CUX2: variants seen among roughly 807,000 people sequenced by gnomAD.
CUX2 encodes homeobox protein cut-like 2.
Under a neutral mutation model 144.8 loss-of-function variants are expected in CUX2, and 40 were observed. That is an observed-to-expected ratio of 0.28 (90% confidence interval 0.21 to 0.36). CUX2 has a LOEUF of 0.36. Among genes scored for constraint, CUX2 ranks in the 10% least tolerant of loss-of-function variants. The pLI is 1.00. For missense variants in CUX2, 1,615 were observed against 1,994.0 expected, an observed-to-expected ratio of 0.81 and a Z score of 3.62; for synonymous variants, 827 against 875.6, an observed-to-expected ratio of 0.94 and a Z score of 0.98.
chr12:111,247,275 C>G (rs1034953558), intron 3 of CUX2, among the ~76,000 whole-genome samples: 60 of 152,198 alleles, frequency 3.9e-4, no homozygotes, highest in African/African-American at 1.4e-3. Context: ...GGCATGCATG[C>G]CCGGCTGAGG....
intron 3 of CUX2, among the ~76,000 whole-genome samples, chr12:111,256,950 G>C (rs1024270610): frequency 2.0e-5 from 3 of 152,126 alleles, no homozygotes; most frequent in African/African-American, 7.2e-5. Flanking sequence ...CTCAGCCTAG[G>C]GGAGGGGGCC....
chr12:111,035,945 G>A lies in CUX2; in HGVS notation c.63+1705G>A, dbSNP rs1482928772. Among the ~76,000 whole-genome samples the A allele has an allele frequency of 2.6e-5, 4 of 152,310 alleles. No individual in the cohort carries two copies. Among genetic ancestry groups the A allele is most frequent in the Middle Eastern group, 3.4e-3 (1 of 294 alleles). ...AAGTGGCCTTTCTGGAAGAGTGGGG[G>A]TTATGGAGGCAGAGAGAGAGAGAGA... is the stretch of plus-strand genomic sequence containing the variant. On this transcript the variant is annotated intron_variant, in intron 1 of 21. Transcript: ENST00000261726. The surrounding 1 kb of genome is among the most constrained non-coding windows in gnomAD (Gnocchi z 6.0).
At chr12:111,298,210 C>T (rs11832660) in intron 8 of CUX2, among the ~76,000 whole-genome samples, 7,278 of 152,254 alleles carry the variant, frequency 0.048, 246 homozygotes, top group East Asian at 0.11. Flanking sequence ...GCGGCCTCCC[C>T]GGAGAACACT....
chr12:111,050,700 A>G (rs922154282), intron 1 of CUX2, among the ~76,000 whole-genome samples: 2 of 152,022 alleles, frequency 1.3e-5, no homozygotes, highest in Non-Finnish European at 2.9e-5. Flanking sequence ...CACCATCGTC[A>G]CTTGGACCCA....
intron 1 of CUX2, among the ~76,000 whole-genome samples, chr12:111,127,808 C>A (rs530179809): frequency 6.6e-5 from 10 of 152,076 alleles, no homozygotes; most frequent in South Asian, 2.1e-4. Flanking sequence ...TGGCAGAAGG[C>A]GAAGGGGGAG....
rs1049980564 is a variant in CUX2, at chr12:111,222,344, G to A, written c.222+4407G>A. Among the ~76,000 whole-genome samples, 7 of 152,332 alleles carry A rather than the reference G, an allele frequency of 4.6e-5. No individual in the cohort carries two copies. In the East Asian group the frequency reaches 5.8e-4, roughly 13 times the overall value. ...ATTAAAAGTTTTGTTATGCTAACTC[G>A]GAGGTGAAACTTTTCTGAAGCGCGT... On this transcript the variant is annotated intron_variant, in intron 3 of 21. Coordinates refer to ENST00000261726, the MANE Select transcript of CUX2 (RefSeq NM_015267.4).
chr12:111,106,276 C>T (rs1161323158), intron 1 of CUX2, among the ~76,000 whole-genome samples: 2 of 151,190 alleles, frequency 1.3e-5, no homozygotes, highest in African/African-American at 2.4e-5. Context: ...ACAGGCATGA[C>T]CACAGTTGGA....
chr12:111,322,321 C>CAAAAA lies in CUX2; in HGVS notation c.2767-81_2767-77dup, dbSNP rs147389725. ...CGACAGACAAAGCGAGACTCTGCCT[C>CAAAAA]AAAAAAAAAAAAAAAAAAAAAAAGG... is the stretch of plus-strand genomic sequence containing the variant. On this transcript the variant is annotated intron_variant, in intron 17 of 21. Transcript: ENST00000261726. This position sits in a 1 kb window ranked among gnomAD's most constrained non-coding sequence, Gnocchi z 4.2. The CAAAAA allele has an allele frequency of 2.0e-3, 1,544 of 760,594 alleles. 1 individual carries two copies. Among genetic ancestry groups the CAAAAA allele is most frequent in the African/African-American group, 2.7e-3 (110 of 40,274 alleles). The allele number at this position is 760,594 out of a possible 1,614,324, so 47.1% of individuals were successfully genotyped here.
At chr12:111,211,448 A>T (rs571690014) in intron 1 of CUX2, among the ~76,000 whole-genome samples, 1 of 152,220 alleles carries the variant, frequency 6.6e-6, no homozygotes, top group Non-Finnish European at 1.5e-5. Flanking sequence ...GTGAGGACAC[A>T]TCAGGTGGTT....
rs1883275607 is a variant in CUX2 at position 111,246,246 on chromosome 12, G to T, written c.223-17515G>T. On this transcript the variant is annotated intron_variant, in intron 3 of 21. Transcript: ENST00000261726. The surrounding 1 kb of genome is among the most constrained non-coding windows in gnomAD (Gnocchi z 4.0). ...CCACCATCAGTGACACTGATTGCAT[G>T]AAATCTGCCATGGTGGGAGTATTTA... Among the ~76,000 whole-genome samples, 1 of 152,192 alleles carries T rather than the reference G, an allele frequency of 6.6e-6. No homozygotes were observed. Among genetic ancestry groups the T allele is most frequent in the Non-Finnish European group, 1.5e-5 (1 of 68,026 alleles).
chr12:111,051,668 GT>G (rs1870274940), intron 1 of CUX2, among the ~76,000 whole-genome samples: 1 of 152,028 alleles, frequency 6.6e-6, no homozygotes, highest in African/African-American at 2.4e-5. Context: ...GTTGGATCAT[GT>G]TTTTTATTCA....
intron 21 of CUX2, among the ~76,000 whole-genome samples, chr12:111,345,089 A>G (rs1888733961): frequency 6.6e-6 from 1 of 152,016 alleles, no homozygotes. Flanking sequence ...ATTTTTTAAA[A>G]AATGTTTTTT....
intron 1 of CUX2, among the ~76,000 whole-genome samples, chr12:111,201,417 A>G (rs1374841326): frequency 2.0e-5 from 3 of 152,094 alleles, no homozygotes; most frequent in Non-Finnish European, 2.9e-5. Context: ...TGTAAGATAC[A>G]TCCAGATGGT....
At chr12:111,145,388 G>T (rs192493604) in intron 1 of CUX2, among the ~76,000 whole-genome samples, 1 of 152,160 alleles carries the variant, frequency 6.6e-6, no homozygotes, top group African/African-American at 2.4e-5. Context: ...TTGAAACAGG[G>T]TCTCACTCTG....
chr12:111,332,605 G>A (rs759352102), intron 18 of CUX2, among the ~76,000 whole-genome samples: 6 of 149,444 alleles, frequency 4.0e-5, no homozygotes, highest in Admixed American at 2.0e-4. Flanking sequence ...AGTTGTTGCC[G>A]TTTATTTAAC....
chr12:111,049,011 G>T (rs1240750287), intron 1 of CUX2, among the ~76,000 whole-genome samples: 1 of 151,926 alleles, frequency 6.6e-6, no homozygotes, highest in Non-Finnish European at 1.5e-5. Flanking sequence ...TCATAAATCT[G>T]CTCTCTCATC....
chr12:111,115,552 T>C (rs1874247095), intron 1 of CUX2, among the ~76,000 whole-genome samples: 1 of 152,130 alleles, frequency 6.6e-6, no homozygotes. Flanking sequence ...TCCAAAATGC[T>C]GGATAAAATT....
chr12:111,137,778 G>A (rs1308335447), intron 1 of CUX2, among the ~76,000 whole-genome samples: 5 of 152,230 alleles, frequency 3.3e-5, no homozygotes, highest in Non-Finnish European at 7.3e-5. Flanking sequence ...GCCTCCCAAA[G>A]CGCTGGGATT....
rs576071172 is a variant in CUX2 at position 111,042,152 on chromosome 12, A to G, written c.63+7912A>G. ...TCTGCCCAGAGACGCTGGGGGGCCC[A>G]ACGGTGCTTAAGACTCTGTGAGCCG... is the stretch of plus-strand genomic sequence containing the variant. On this transcript the variant is annotated intron_variant, in intron 1 of 21. Coordinates refer to ENST00000261726, the MANE Select transcript of CUX2 (RefSeq NM_015267.4). Among the ~76,000 whole-genome samples, 3 of 152,380 alleles carry G rather than the reference A, an allele frequency of 2.0e-5. No homozygotes were observed. In the East Asian group the frequency reaches 5.8e-4, roughly 29 times the overall value.
Sources: gnomAD v4.1 joint callset for allele counts (sites outside exome capture counted in the v4.1 genomes callset) on GRCh38, gnomAD v4.1.1 for gene constraint, Gnocchi (gnomAD v3.1) non-coding constraint, MANE v1.5 for transcripts, NCBI Gene and HGNC (gene_info 2026-07-23, HGNC 2026-07-21) for gene names.